The following GAS7 variants were observed in gnomAD, a reference collection of about 807,000 sequenced individuals.
GAS7 encodes the protein growth arrest specific 7, also known as growth arrest-specific protein 7.
Under a neutral mutation model 71.1 loss-of-function variants are expected in GAS7, and 28 were observed. That is an observed-to-expected ratio of 0.39 (90% CI 0.29 to 0.54). GAS7 has a LOEUF of 0.54. Ranked by LOEUF, GAS7 falls within the 20% of genes least tolerant of loss-of-function variation. The pLI, the probability that GAS7 is intolerant of heterozygous loss-of-function variation, is 0.62. For missense variants in GAS7, 436 were observed against 627.8 expected, an observed-to-expected ratio of 0.69 and a Z score of 3.27; for synonymous variants, 258 against 245.8, an observed-to-expected ratio of 1.05 and a Z score of -0.46.
At chr17:10,002,511 T>G (rs140968033) in intron 2 of GAS7, among the ~76,000 whole-genome samples, 1,872 of 152,266 alleles carry the variant, frequency 0.012, 39 homozygotes, top group African/African-American at 0.043. Context: ...GCTGCACCCA[T>G]TAACTCATCG....
At chr17:10,000,085 T>C (rs956101499) in intron 2 of GAS7, among the ~76,000 whole-genome samples, 4 of 152,196 alleles carry the variant, frequency 2.6e-5, no homozygotes, top group Admixed American at 2.0e-4. Context: ...GTCTGTTTCA[T>C]AGACTTGGTC....
chr17:10,146,122 G>C (rs1423652118), intron 1 of GAS7, among the ~76,000 whole-genome samples: 1 of 152,134 alleles, frequency 6.6e-6, no homozygotes, highest in East Asian at 1.9e-4. Context: ...CAAACTCGGG[G>C]GTAAAACTGT....
At chr17:10,001,823 T>C (rs984068452) in intron 2 of GAS7, among the ~76,000 whole-genome samples, 1 of 152,124 alleles carries the variant, frequency 6.6e-6, no homozygotes. Flanking sequence ...CAAAAACACA[T>C]AATTTTAAAA....
chr17:10,135,038 G>A (rs1191702224), intron 1 of GAS7, among the ~76,000 whole-genome samples: 2 of 152,040 alleles, frequency 1.3e-5, no homozygotes, highest in African/African-American at 4.8e-5. Context: ...TCACCATGTT[G>A]GCCAGGATGG....
chr17:10,009,080 G>A (rs181397305), intron 2 of GAS7, among the ~76,000 whole-genome samples: 177 of 152,062 alleles, frequency 1.2e-3, no homozygotes, highest in African/African-American at 4.1e-3. Context: ...CAGCACTTTG[G>A]GAGGCCGAGG....
chr17:9,961,863 C>T (rs188585233), intron 4 of GAS7, among the ~76,000 whole-genome samples: 10 of 152,276 alleles, frequency 6.6e-5, no homozygotes, highest in East Asian at 1.9e-4. Flanking sequence ...CTCTATCTTC[C>T]GCCATCTCTC....
At chr17:10,065,807 C>T (rs143744882) in intron 1 of GAS7, among the ~76,000 whole-genome samples, 11 of 152,330 alleles carry the variant, frequency 7.2e-5, no homozygotes, top group Non-Finnish European at 1.5e-4. Flanking sequence ...GCTGTCAATA[C>T]CTCTGATGCT....
Position 10,167,044 on chromosome 17 carries a change from C to CT in GAS7, c.183+31163dup, listed in dbSNP as rs1164151104. On this transcript the variant is annotated intron_variant, in intron 1 of 13. Transcript: ENST00000432992. The stretch of plus-strand genomic sequence containing the variant: ...AAACCAATCTACTATTTCCATTTGT[C>CT]TTTTTTTTTTTTTTTTTTTTTTTTT... Among the ~76,000 whole-genome samples, 573 of 58,768 alleles carry CT rather than the reference C, an allele frequency of 9.8e-3. 87 individuals are homozygous for CT. Among genetic ancestry groups the CT allele is most frequent in the Middle Eastern group, 0.013 (1 of 78 alleles). The allele number at this position is 58,768 out of a possible 152,430, so 38.6% of individuals were successfully genotyped here.
At chr17:10,032,556 GA>G (rs1392499105) in intron 1 of GAS7, among the ~76,000 whole-genome samples, 2 of 152,210 alleles carry the variant, frequency 1.3e-5, no homozygotes, top group Non-Finnish European at 2.9e-5. Flanking sequence ...GAAATGGGGG[GA>G]TTGCTAGCCT....
In GAS7 at chr17:9,919,927, C is replaced by A. The variant is rs1009499907; in HGVS notation, c.1139-222G>T. Among the ~76,000 whole-genome samples, 1 of 151,570 alleles carries A rather than the reference C, an allele frequency of 6.6e-6. No homozygotes were observed. Among genetic ancestry groups the A allele is most frequent in the African/African-American group, 2.4e-5 (1 of 41,170 alleles). ...ACCCAGCTCAGGTGTCCCCCTGAAG[C>A]CTGACCCCAGATACCAAGGATTCAG... On this transcript the variant is annotated intron_variant, in intron 11 of 13. Transcript: ENST00000432992. The surrounding 1 kb of genome is among the most constrained non-coding windows in gnomAD (Gnocchi z 5.0).
At chr17:9,979,198 T>C (rs2070319153) in intron 3 of GAS7, among the ~76,000 whole-genome samples, 1 of 152,216 alleles carries the variant, frequency 6.6e-6, no homozygotes, top group South Asian at 2.1e-4. Flanking sequence ...AGAATGCTAA[T>C]GTGCCTGTCC....
At chr17:10,030,420 G>A (rs959393900) in intron 1 of GAS7, among the ~76,000 whole-genome samples, 4 of 152,208 alleles carry the variant, frequency 2.6e-5, no homozygotes, top group African/African-American at 7.2e-5. Flanking sequence ...GGCTAATTTC[G>A]GGCCTGGGCC....
chr17:10,172,651 C>A (rs186334199), intron 1 of GAS7, among the ~76,000 whole-genome samples: 2 of 152,230 alleles, frequency 1.3e-5, no homozygotes, highest in South Asian at 4.1e-4. Context: ...CTGTGGCTTG[C>A]GCCTCTTACA....
At position 9,981,945 on chromosome 17, in the gene GAS7, C is replaced by G. The variant is rs2070426485; in HGVS notation, c.305-61G>C. The stretch of plus-strand genomic sequence containing the variant: ...ATGTCACAGGGCAGAACCTGAGTTT[C>G]ACAGAGCAGAAGGAGATGCTCAGAG... On this transcript the variant is annotated intron_variant, in intron 2 of 13. Transcript: ENST00000432992. The surrounding 1 kb of genome is among the most constrained non-coding windows in gnomAD (Gnocchi z 4.4). 1 of 927,946 alleles carries G rather than the reference C, an allele frequency of 1.1e-6. No homozygotes were observed. Among genetic ancestry groups the G allele is most frequent in the African/African-American group, 1.6e-5 (1 of 62,018 alleles). The allele number at this position is 927,946 out of a possible 1,614,324, so 57.5% of individuals were successfully genotyped here. A position where few individuals can be genotyped will look rare whatever the true frequency, so the allele number is the denominator to read the frequency against.
chr17:10,004,045 TG>T (rs1192761915), intron 2 of GAS7, among the ~76,000 whole-genome samples: 3 of 152,012 alleles, frequency 2.0e-5, no homozygotes, highest in African/African-American at 7.3e-5. Context: ...CTCGTAGGAG[TG>T]GCAACTCACA....
intron 1 of GAS7, among the ~76,000 whole-genome samples, chr17:10,141,391 T>G (rs554339616): frequency 6.6e-6 from 1 of 151,334 alleles, no homozygotes; most frequent in Admixed American, 6.6e-5. Context: ...GAGCTTGCAG[T>G]GAGGCAAGAT....
chr17:10,101,856 G>A (rs373180189), intron 1 of GAS7, among the ~76,000 whole-genome samples: 2 of 152,120 alleles, frequency 1.3e-5, no homozygotes, highest in East Asian at 1.9e-4. Context: ...AGTTTTTCAC[G>A]CTCTTTGTGC....
At chr17:10,164,196 A>C (rs2074276111) in intron 1 of GAS7, among the ~76,000 whole-genome samples, 1 of 152,094 alleles carries the variant, frequency 6.6e-6, no homozygotes. Flanking sequence ...TAATCCCAGC[A>C]CTTTGGGAGG....
chr17:10,020,003 G>T, intron 1 of GAS7, 106 bp from the exon 2 acceptor site: 1 of 1,128,514 alleles, frequency 8.9e-7, no homozygotes, highest in Non-Finnish European at 1.3e-6. Context: ...GCGTGACATT[G>T]GGAAGTCTGC....
Sources: gnomAD v4.1 joint callset for allele counts (sites outside exome capture counted in the v4.1 genomes callset) on GRCh38, gnomAD v4.1.1 for gene constraint, Gnocchi (gnomAD v3.1) non-coding constraint, MANE v1.5 for transcripts, NCBI Gene and HGNC (gene_info 2026-07-23, HGNC 2026-07-21) for gene names.